The following NIPBL variants were observed in gnomAD, a reference collection of about 807,000 sequenced individuals.
NIPBL encodes NIPBL cohesin loading factor.
NIPBL carries 19 observed loss-of-function variants against 321.8 expected under a neutral mutation model. The ratio of observed to expected loss-of-function variants is 0.06; its 90% CI spans 0.04 to 0.09. NIPBL has a LOEUF of 0.09. NIPBL is among the 10% of genes least tolerant of loss of function. NIPBL has a pLI of 1.00. For synonymous variants in NIPBL, 1,106 were observed against 1,114.1 expected (o/e 0.99, Z 0.14); for missense variants, 2,210 against 3,327.0 (o/e 0.66, Z 8.26).
chr5:36,950,046 C>T lies in NIPBL; in HGVS notation c.-79-3572C>T, dbSNP rs546884258. Among the ~76,000 whole-genome samples, 23 of 152,000 alleles carry T rather than the reference C, an allele frequency of 1.5e-4. No homozygotes were observed. In the East Asian group the frequency reaches 2.5e-3, roughly 17 times the overall value. On this transcript the variant is annotated intron_variant, in intron 1 of 46. Transcript: ENST00000282516. ...AAATGATTTCTCAATGTATTTTGTT[C>T]GATTTAGTTCTTAGTATTACAACAG...
intron 1 of NIPBL, among the ~76,000 whole-genome samples, chr5:36,947,558 C>T (rs1351820678): frequency 1.3e-5 from 2 of 151,992 alleles, no homozygotes; most frequent in African/African-American, 4.8e-5. Flanking sequence ...TATGAATATA[C>T]CTTGCATATT....
intron 42 of NIPBL, among the ~76,000 whole-genome samples, chr5:37,055,738 A>T (rs1754019948): frequency 6.6e-6 from 1 of 152,096 alleles, no homozygotes; most frequent in Non-Finnish European, 1.5e-5. Context: ...AGGGAGGGCC[A>T]GGTGAGATGA....
At chr5:36,922,033 C>T (rs1748987859) in intron 1 of NIPBL, among the ~76,000 whole-genome samples, 1 of 151,720 alleles carries the variant, frequency 6.6e-6, no homozygotes, top group South Asian at 2.1e-4. Context: ...ATTACAGGCT[C>T]CCACCACCAC....
At chr5:37,059,905 C>T (rs569540252) in intron 44 of NIPBL, among the ~76,000 whole-genome samples, 1 of 152,298 alleles carries the variant, frequency 6.6e-6, no homozygotes, top group African/African-American at 2.4e-5. Context: ...TTTTACCCAC[C>T]AGTAGTCATT....
rs112996375 is a variant in NIPBL, at chr5:36,950,535, G to A, written c.-79-3083G>A. Among the ~76,000 whole-genome samples, 40 of 152,172 alleles carry A rather than the reference G, an allele frequency of 2.6e-4. 1 individual carries two copies. The highest frequency in any genetic ancestry group is 9.6e-4 in the African/African-American group (40 of 41,546). On this transcript the variant is annotated intron_variant, in intron 1 of 46. Transcript: ENST00000282516. ...ACCTGAACTCACAAAGCACTGTGCA[G>A]TATACTCTTATAGTTCTATTCCCTC... is the stretch of plus-strand genomic sequence containing the variant.
At chr5:36,984,345 G>A (rs1018993532) in intron 9 of NIPBL, among the ~76,000 whole-genome samples, 6 of 152,028 alleles carry the variant, frequency 3.9e-5, no homozygotes, top group African/African-American at 1.4e-4. Flanking sequence ...TGATTTATCC[G>A]TGACATCTAT....
chr5:37,012,774 G>T (rs1324468288), intron 21 of NIPBL, among the ~76,000 whole-genome samples: 4 of 152,138 alleles, frequency 2.6e-5, no homozygotes, highest in African/African-American at 4.8e-5. Flanking sequence ...GAGAGCACAG[G>T]GTTGGGGGTA....
chr5:37,028,477 G>T (rs1211788436), intron 32 of NIPBL, among the ~76,000 whole-genome samples: 2 of 151,456 alleles, frequency 1.3e-5, no homozygotes, highest in African/African-American at 4.9e-5. Context: ...AGTAGCTGGG[G>T]TTACAGGCAC....
Position 37,000,380 on chromosome 5 carries a change from G to A in NIPBL, c.3312G>A (p.Arg1104=). The A allele has an allele frequency of 1.2e-6, 2 of 1,612,402 alleles. No homozygotes were observed. Among genetic ancestry groups the A allele is most frequent in the Non-Finnish European group, 1.7e-6 (2 of 1,179,038 alleles). The part of the protein sequence containing the change: ...NDSDEAFESS[R]KRHKKDDDKA... Reference sequence around the variant, plus strand: ...ATGGGGATTTGCTTCTAGCCTCTAGGAAACGACATAAAAAAGATGATGATA... The same window carrying A: ...ATGGGGATTTGCTTCTAGCCTCTAGAAAACGACATAAAAAAGATGATGATA... Residue 1104 remains arginine, a synonymous_variant, in exon 12 of 47, where the codon AGG becomes AGA. Coordinates refer to ENST00000282516, the MANE Select transcript of NIPBL (RefSeq NM_133433.4).
chr5:36,911,024 TA>T (rs764168284), intron 1 of NIPBL, among the ~76,000 whole-genome samples: 1 of 152,186 alleles, frequency 6.6e-6, no homozygotes, highest in Non-Finnish European at 1.5e-5. Flanking sequence ...TCAGTTGAAT[TA>T]AGAGGAAAAA....
intron 9 of NIPBL, among the ~76,000 whole-genome samples, chr5:36,981,828 AG>A (rs1219474806): frequency 6.6e-6 from 1 of 151,814 alleles, no homozygotes; most frequent in East Asian, 1.9e-4. Flanking sequence ...CCTTGTTAAA[AG>A]TCAATGATTA....
At chr5:37,062,568 T>G (rs1754848645) in intron 45 of NIPBL, among the ~76,000 whole-genome samples, 1 of 152,004 alleles carries the variant, frequency 6.6e-6, no homozygotes, top group Non-Finnish European at 1.5e-5. Flanking sequence ...GAAACAGCTC[T>G]GGAAATGGAC....
intron 1 of NIPBL, among the ~76,000 whole-genome samples, chr5:36,918,505 A>G (rs1465512570): frequency 6.6e-6 from 1 of 152,118 alleles, no homozygotes; most frequent in Non-Finnish European, 1.5e-5. Flanking sequence ...TCCTAATTGA[A>G]TACCCTTTAT....
In NIPBL at chr5:36,985,290, A is replaced by C; in HGVS notation, c.2110A>C (p.Lys704Gln). Reference protein sequence around the residue: ...ETTKSRPETPKQKGESRPETP... With the variant: ...ETTKSRPETPQQKGESRPETP... Reference sequence around the variant, plus strand: ...AACAAAATCAAGGCCTGAAACCCCAAAGCAAAAGGGTGAAAGCCGGCCTGA... The same window carrying C: ...AACAAAATCAAGGCCTGAAACCCCACAGCAAAAGGGTGAAAGCCGGCCTGA... Residue 704 changes from lysine (K) to glutamine (Q), a missense_variant, in exon 10 of 47, where the codon AAG becomes CAG. Coordinates refer to ENST00000282516, the MANE Select transcript of NIPBL (RefSeq NM_133433.4). 1 of 1,613,718 alleles carries C rather than the reference A, an allele frequency of 6.2e-7. No individual in the cohort carries two copies. The highest frequency in any genetic ancestry group is 8.5e-7 in the Non-Finnish European group (1 of 1,179,934).
rs1384808041 is a variant in NIPBL at position 37,057,236 on chromosome 5, T to C, written c.7314T>C (p.Phe2438=). The C allele has an allele frequency of 6.2e-7, 1 of 1,613,864 alleles. No homozygotes were observed. Among genetic ancestry groups the C allele is most frequent in the Non-Finnish European group, 8.5e-7 (1 of 1,179,920 alleles). ...ATATAGCAGACAATCTAGCCTGTTT[T>C]CCATACCAGACACAGGAAGAGCCGT... ...LLYIADNLAC[F]PYQTQEEPLF... Residue 2438 remains phenylalanine, a synonymous_variant, in exon 43 of 47, where the codon TTT becomes TTC. Coordinates refer to ENST00000282516, the MANE Select transcript of NIPBL (RefSeq NM_133433.4).
At chr5:36,982,117 G>A (rs1431773262) in intron 9 of NIPBL, 6 of 449,460 alleles carry the variant, frequency 1.3e-5, no homozygotes, top group Non-Finnish European at 1.8e-5. Flanking sequence ...TGGATGACAA[G>A]TGTTGGTTTT....
chr5:36,952,060 G>GCA (rs1740411451), intron 1 of NIPBL, among the ~76,000 whole-genome samples: 2 of 113,174 alleles, frequency 1.8e-5, no homozygotes, highest in South Asian at 2.6e-4. Flanking sequence ...GTGTGCGCGC[G>GCA]CGCGCGCGCG....
Position 36,985,680 on chromosome 5 carries a change from C to A in NIPBL, c.2500C>A (p.Arg834=). 1.9e-6 allele frequency: 3 copies of A among 1,613,822 alleles called. No individual in the cohort carries two copies. Among genetic ancestry groups the A allele is most frequent in the Non-Finnish European group, 2.5e-6 (3 of 1,179,938 alleles). Residue 834 remains arginine, a synonymous_variant, in exon 10 of 47, where the codon CGA becomes AGA. Coordinates refer to ENST00000282516, the MANE Select transcript of NIPBL (RefSeq NM_133433.4). The part of the protein sequence containing the change: ...SDDRGESERH[R]GDQSRVRRPE... Reference sequence around the variant, plus strand: ...TGACAGGGGTGAATCAGAGCGACATCGAGGGGATCAGTCTAGGGTTCGAAG... The same window carrying A: ...TGACAGGGGTGAATCAGAGCGACATAGAGGGGATCAGTCTAGGGTTCGAAG...
chr5:36,971,935 C>A lies in NIPBL; in HGVS notation c.772-10C>A. ...TCATTCAAAAGATAAATTGTATACTCTATTTTTAGGATGGAGATTCTTCAA... is the reference window on the plus strand; with the variant it reads ...TCATTCAAAAGATAAATTGTATACTATATTTTTAGGATGGAGATTCTTCAA... On this transcript the variant is annotated splice_polypyrimidine_tract_variant and intron_variant, in intron 7 of 46. Transcript: ENST00000282516. 6.2e-7 allele frequency: 1 copy of A among 1,608,156 alleles called. No individual in the cohort carries two copies. Among genetic ancestry groups the A allele is most frequent in the African/African-American group, 1.3e-5 (1 of 74,860 alleles).
Sources: gnomAD v4.1 joint callset for allele counts (sites outside exome capture counted in the v4.1 genomes callset) on GRCh38, gnomAD v4.1.1 for gene constraint, MANE v1.5 for transcripts, NCBI Gene and HGNC (gene_info 2026-07-23, HGNC 2026-07-21) for gene names.